The following ANKRD26 variants were observed in gnomAD, a reference collection of about 807,000 sequenced individuals.
ANKRD26 encodes ankyrin repeat domain 26, also known as ankyrin repeat domain-containing protein 26.
Under a neutral mutation model 208.7 loss-of-function variants are expected in ANKRD26, and 141 were observed. The observed-to-expected ratio is 0.68, with a 90% CI of 0.59 to 0.78. The LOEUF (loss-of-function observed/expected upper bound fraction) is 0.78. Among genes scored for constraint, ANKRD26 ranks in the 30% least tolerant of loss-of-function variants. The probability of loss-of-function intolerance (pLI) is 0.00; values close to 1 mark genes in which losing one functional copy is unlikely to be tolerated. For synonymous variants in ANKRD26, 636 were observed against 660.4 expected, an observed-to-expected ratio of 0.96 and a Z score of 0.57; for missense variants, 1,889 against 1,938.7, an observed-to-expected ratio of 0.97 and a Z score of 0.48.
At chr10:27,018,546 A>G (rs2053381853) in intron 29 of ANKRD26, among the ~76,000 whole-genome samples, 1 of 152,192 alleles carries the variant, frequency 6.6e-6, no homozygotes, top group African/African-American at 2.4e-5. Flanking sequence ...ACTCTAATTA[A>G]TGAATCTTGT....
intron 32 of ANKRD26, 74 bp from the exon 33 acceptor site, chr10:27,007,036 T>C: frequency 1.8e-6 from 2 of 1,121,582 alleles, no homozygotes; most frequent in Non-Finnish European, 1.4e-6. Context: ...ATGTATCACT[T>C]ACAAAATGTG....
In ANKRD26 at chr10:27,054,739, G is replaced by A. The variant is rs760261935; in HGVS notation, c.1565-1349C>T. Among the ~76,000 whole-genome samples the A allele has an allele frequency of 3.3e-4, 50 of 152,226 alleles. 1 individual carries two copies. Among genetic ancestry groups the A allele is most frequent in the Admixed American group, 9.8e-4 (15 of 15,276 alleles). ...GAGAGGGAAAGAAGCCTCAAATAGC[G>A]TTATATATTTGTCTAAAATACAAGC... is the stretch of plus-strand genomic sequence containing the variant. On this transcript the variant is annotated intron_variant, in intron 15 of 33. Transcript: ENST00000376087.
Position 27,004,259 on chromosome 10 carries a change from C to CTCTTATAA in ANKRD26, c.*1323_*1330dup, listed in dbSNP as rs2052794533. Reference sequence around the variant, plus strand: ...AATATCCAAAAATTATTTGTACTACCTCTTATAATCTTTCTGTAAGTCTGA... The same window carrying CTCTTATAA: ...AATATCCAAAAATTATTTGTACTACCTCTTATAATCTTATAATCTTTCTGTAAGTCTGA... On this transcript the variant is annotated 3_prime_UTR_variant, in exon 34 of 34. Transcript: ENST00000376087. 6.6e-6 allele frequency: 1 copy of CTCTTATAA among 151,956 alleles called. No individual in the cohort carries two copies. The highest frequency in any genetic ancestry group is 2.1e-4 in the South Asian group (1 of 4,804). 9.4% of individuals were successfully genotyped at this position (151,956 alleles called of 1,614,324 possible).
intron 24 of ANKRD26, 42 bp downstream of exon 24, chr10:27,034,754 T>C: frequency 7.4e-7 from 1 of 1,354,146 alleles, no homozygotes; most frequent in South Asian, 1.3e-5. Context: ...TTAAATTTTC[T>C]TTCAGGAGGT....
At chr10:27,083,937 G>A (rs963072303) in intron 5 of ANKRD26, among the ~76,000 whole-genome samples, 5 of 151,938 alleles carry the variant, frequency 3.3e-5, no homozygotes, top group Admixed American at 2.0e-4. Context: ...CACCTAGGCC[G>A]GGTGCAGTGG....
At chr10:27,022,789 A>G in intron 28 of ANKRD26, 102 bp from the exon 29 acceptor site, 1 of 1,080,512 alleles carries the variant, frequency 9.3e-7, no homozygotes, top group Non-Finnish European at 1.3e-6. Context: ...AAAACAAATG[A>G]ATCATGATTC....
chr10:27,097,471 G>C (rs1488007776), intron 1 of ANKRD26, among the ~76,000 whole-genome samples: 1 of 151,818 alleles, frequency 6.6e-6, no homozygotes, highest in African/African-American at 2.4e-5. Context: ...AAGAAAAAAA[G>C]AAAAAAGAGA....
intron 2 of ANKRD26, 65 bp downstream of exon 2, chr10:27,093,620 T>A: frequency 6.3e-7 from 1 of 1,595,382 alleles, no homozygotes; most frequent in African/African-American, 1.3e-5. Flanking sequence ...ATGAGATAAA[T>A]TCATTTTCAT....
the ANKRD26 span, among the ~76,000 whole-genome samples, chr10:26,962,402 C>T: frequency 1.3e-5 from 2 of 152,006 alleles, no homozygotes; most frequent in African/African-American, 2.4e-5. Context: ...TGGTGAAACC[C>T]TGTCTCTACT....
chr10:27,028,514 G>A (rs904502376), intron 27 of ANKRD26, among the ~76,000 whole-genome samples: 4 of 145,784 alleles, frequency 2.7e-5, no homozygotes, highest in East Asian at 2.1e-4. Context: ...GGAGAATGGC[G>A]TGAACCCGGG....
In ANKRD26 at chr10:27,044,206, A is replaced by T; in HGVS notation, c.1986-16T>A. 1 of 1,424,534 alleles carries T rather than the reference A, an allele frequency of 7.0e-7. No individual in the cohort carries two copies. Among genetic ancestry groups the T allele is most frequent in the Non-Finnish European group, 9.6e-7 (1 of 1,042,652 alleles). The allele number at this position is 1,424,534 out of a possible 1,614,324, so 88.2% of individuals were successfully genotyped here. Reference sequence around the variant, plus strand: ...CTTAGTAGGCCTAAAAAAAAAAAATACCTTTCAGGCAAATAGTAAACATGT... The same window carrying T: ...CTTAGTAGGCCTAAAAAAAAAAAATTCCTTTCAGGCAAATAGTAAACATGT... On this transcript the variant is annotated splice_polypyrimidine_tract_variant and intron_variant, in intron 18 of 33. Coordinates refer to ENST00000376087, the MANE Select transcript of ANKRD26 (RefSeq NM_014915.3).
rs768114082 is a variant in ANKRD26 at position 27,029,337 on chromosome 10, C to T, written c.3827G>A (p.Arg1276Gln). 4.3e-6 allele frequency: 7 copies of T among 1,612,498 alleles called. No individual in the cohort carries two copies. In the Admixed American group the frequency reaches 6.7e-5, roughly 15 times the overall value. Residue 1276 changes from arginine (R) to glutamine (Q), a missense_variant, in exon 26 of 34, where the codon CGA becomes CAA. By Grantham distance (43) the Arg-to-Gln change is conservative. Around this residue, in one of 3 missense-constraint regions of ANKRD26, gnomAD observed 613 missense variants for 648.2 expected, o/e 0.95. Coordinates refer to ENST00000376087, the MANE Select transcript of ANKRD26 (RefSeq NM_014915.3). ...IRNQLQEAQD[R>Q]HTEAVRCAEK... is the part of the protein sequence containing the mutation. ...AGCACATCTGACAGCTTCTGTATGT[C>T]GATCCTGTGCTTCTTGCAACTAAAA... is the stretch of plus-strand genomic sequence containing the variant.
At chr10:27,060,239 T>G in intron 15 of ANKRD26, 106 bp downstream of exon 15, 1 of 1,153,620 alleles carries the variant, frequency 8.7e-7, no homozygotes, top group East Asian at 2.4e-5. Flanking sequence ...TTCCAACAAA[T>G]TTGGAGAAAA....
chr10:26,990,589 T>C (rs920355630), downstream of ANKRD26, among the ~76,000 whole-genome samples: 1 of 152,068 alleles, frequency 6.6e-6, no homozygotes. Context: ...TATGTTCTTA[T>C]AAGGGGGAAA....
chr10:27,069,194 CAAAAAAAAAAAAAAAAAA>C (rs58833937), intron 9 of ANKRD26, among the ~76,000 whole-genome samples: 1 of 88,124 alleles, frequency 1.1e-5, no homozygotes, highest in Non-Finnish European at 2.1e-5. Flanking sequence ...GACGTCGTCT[CAAAAAAAAAAAAAAAAAA>C]AAAAAAAAAA....
At chr10:27,050,589 C>T (rs565218620) in intron 16 of ANKRD26, among the ~76,000 whole-genome samples, 153 of 152,172 alleles carry the variant, frequency 1.0e-3, no homozygotes, top group Non-Finnish European at 1.8e-3. Flanking sequence ...TAAAAAGATC[C>T]CTTTGGCTGG....
At chr10:27,026,927 A>G (rs956651170) in intron 27 of ANKRD26, among the ~76,000 whole-genome samples, 3 of 151,984 alleles carry the variant, frequency 2.0e-5, no homozygotes, top group African/African-American at 7.2e-5. Flanking sequence ...GTAGGATTAC[A>G]GGGGCCTGCC....
rs1002453981 is a variant in ANKRD26 at position 27,062,092 on chromosome 10, C to T, written c.1364-850G>A. 6 of 985,096 alleles carry T rather than the reference C, an allele frequency of 6.1e-6. No individual in the cohort carries two copies. The African/African-American group carries it at 1.0e-4, about 17-fold the overall frequency. 61.0% of individuals were successfully genotyped at this position (985,096 alleles called of 1,614,324 possible). On this transcript the variant is annotated intron_variant, in intron 12 of 33. Transcript: ENST00000376087. Reference sequence around the variant, plus strand: ...CTAACTTCTTTCTTTCTTCTCTTTCCCCACTCACGATCTCTCTTCTTTTGC... The same window carrying T: ...CTAACTTCTTTCTTTCTTCTCTTTCTCCACTCACGATCTCTCTTCTTTTGC...
chr10:26,998,587 C>T (rs1486302054), intron 4 of ANKRD26, among the ~76,000 whole-genome samples: 1 of 152,238 alleles, frequency 6.6e-6, no homozygotes, highest in Non-Finnish European at 1.5e-5. Context: ...AATTCGTGGG[C>T]AAACCCAATT....
Sources: gnomAD v4.1 joint callset for allele counts (sites outside exome capture counted in the v4.1 genomes callset) on GRCh38, gnomAD v4.1.1 for gene constraint, gnomAD v4.1.1 regional missense constraint, MANE v1.5 for transcripts, NCBI Gene and HGNC (gene_info 2026-07-23, HGNC 2026-07-21) for gene names.